PEMT: variants seen among roughly 807,000 people sequenced by gnomAD.
PEMT encodes phosphatidylethanolamine N-methyltransferase.
PEMT carries 23 observed loss-of-function variants against 27.4 expected under a neutral mutation model. That is an observed-to-expected ratio of 0.84 (90% CI 0.60 to 1.19). The LOEUF (loss-of-function observed/expected upper bound fraction) is 1.19, where lower values mean the gene tolerates loss of function less well. PEMT is among the 50% of genes most tolerant of loss of function. The pLI, the probability that PEMT is intolerant of heterozygous loss-of-function variation, is 0.00. For synonymous variants in PEMT, 137 were observed against 139.1 expected, an observed-to-expected ratio of 0.98 and a Z score of 0.11; for missense variants, 307 against 310.1, an observed-to-expected ratio of 0.99 and a Z score of 0.07.
intron 2 of PEMT, among the ~76,000 whole-genome samples, chr17:17,522,794 G>A (rs1056814438): frequency 7.9e-5 from 12 of 152,164 alleles, no homozygotes; most frequent in Non-Finnish European, 1.5e-4. Flanking sequence ...GGCCCCAGCA[G>A]AACTGCCAGA....
chr17:17,566,349 G>A lies in PEMT; in HGVS notation c.204+10571C>T, dbSNP rs576156636. On this transcript the variant is annotated intron_variant, in intron 2 of 6. Coordinates refer to ENST00000255389, the MANE Select transcript of PEMT (RefSeq NM_148172.3). ...CCTGGTTGCATGGCTTCCTGGGGAC[G>A]CCTCAGGGTTCCTCCTCCAGGAAAG... 2.2e-3 allele frequency among the ~76,000 whole-genome samples: 333 copies of A among 152,294 alleles called. 5 individuals are homozygous for A. The highest frequency in any genetic ancestry group is 3.4e-3 in the Middle Eastern group (1 of 294).
chr17:17,590,429 G>C (rs1278288109), intron 1 of PEMT, among the ~76,000 whole-genome samples: 1 of 152,100 alleles, frequency 6.6e-6, no homozygotes, highest in African/African-American at 2.4e-5. Flanking sequence ...TCGCAGATAC[G>C]GCAACAGGCT....
At chr17:17,553,614 G>A (rs2142656687) in intron 2 of PEMT, among the ~76,000 whole-genome samples, 2 of 152,284 alleles carry the variant, frequency 1.3e-5, no homozygotes, top group South Asian at 4.1e-4. Flanking sequence ...TCCACCCAAT[G>A]GCCAGCACTA....
intron 2 of PEMT, among the ~76,000 whole-genome samples, chr17:17,566,005 C>G (rs4646361): frequency 0.066 from 10,045 of 152,274 alleles, 857 homozygotes; most frequent in African/African-American, 0.19. Context: ...CTTGTTGCAC[C>G]TCTGAGCAAA....
rs531135966 is a variant in PEMT, at chr17:17,513,762, C to A, written c.321-1108G>T. On this transcript the variant is annotated intron_variant, in intron 3 of 6. Transcript: ENST00000255389. This position sits in a 1 kb window ranked among gnomAD's most constrained non-coding sequence, Gnocchi z 4.1. ...CCAGGCCTCATCACAGGGGAGCGGGCGCTGGTGGGAAGGGGGCCCTGGGTG... is the reference window on the plus strand; with the variant it reads ...CCAGGCCTCATCACAGGGGAGCGGGAGCTGGTGGGAAGGGGGCCCTGGGTG... Among the ~76,000 whole-genome samples, 1 of 151,744 alleles carries A rather than the reference C, an allele frequency of 6.6e-6. No individual in the cohort carries two copies. Among genetic ancestry groups the A allele is most frequent in the Non-Finnish European group, 1.5e-5 (1 of 67,948 alleles).
At chr17:17,552,414 T>A (rs1268530493) in intron 2 of PEMT, among the ~76,000 whole-genome samples, 1 of 152,170 alleles carries the variant, frequency 6.6e-6, no homozygotes, top group African/African-American at 2.4e-5. Flanking sequence ...CATTTGGGAT[T>A]CTCATGTCTA....
chr17:17,510,772 G>A, intron 4 of PEMT, among the ~76,000 whole-genome samples: 1 of 152,158 alleles, frequency 6.6e-6, no homozygotes, highest in Non-Finnish European at 1.5e-5. Context: ...CCCCCAGCTT[G>A]TTCTTCCACT....
At chr17:17,581,287 A>G (rs1911960484) in intron 1 of PEMT, among the ~76,000 whole-genome samples, 2 of 152,192 alleles carry the variant, frequency 1.3e-5, no homozygotes, top group Non-Finnish European at 2.9e-5. Context: ...GATCTAAGAA[A>G]ACACAGGACC....
In PEMT at chr17:17,561,481, G is replaced by T. The variant is rs1597936445; in HGVS notation, c.204+15439C>A. 6.6e-6 allele frequency among the ~76,000 whole-genome samples: 1 copy of T among 152,292 alleles called. No individual in the cohort carries two copies. Among genetic ancestry groups the T allele is most frequent in the African/African-American group, 2.4e-5 (1 of 41,570 alleles). ...GAGCAGTTCCACAACAGATGCCCTG[G>T]GGTGGCTGCCCGAGGGGGAAGCGGA... is the stretch of plus-strand genomic sequence containing the variant. On this transcript the variant is annotated intron_variant, in intron 2 of 6. Coordinates refer to ENST00000255389, the MANE Select transcript of PEMT (RefSeq NM_148172.3). The surrounding 1 kb of genome is among the most constrained non-coding windows in gnomAD (Gnocchi z 4.5).
chr17:17,519,841 C>T (rs1907132087), intron 3 of PEMT, among the ~76,000 whole-genome samples: 1 of 152,234 alleles, frequency 6.6e-6, no homozygotes, highest in African/African-American at 2.4e-5. Flanking sequence ...CGGGGCAGGG[C>T]TGGCAGGAGG....
intron 2 of PEMT, among the ~76,000 whole-genome samples, chr17:17,566,512 C>A (rs1435793832): frequency 6.6e-6 from 1 of 152,194 alleles, no homozygotes; most frequent in Admixed American, 6.5e-5. Context: ...ACCTCAGTTC[C>A]CGGGGCTAGG....
rs1383662556 is a variant in PEMT, at chr17:17,586,284, GAAAGAAAAAA to G, written c.96+5237_96+5246del. Reference sequence around the variant, plus strand: ...AGAAAGAAAGAAAGAAAGAAAGAAAGAAAGAAAAAAAAAAACGCAGGTGGAAAATCGGGAG... The same window carrying G: ...AGAAAGAAAGAAAGAAAGAAAGAAAGAAAAACGCAGGTGGAAAATCGGGAG... On this transcript the variant is annotated intron_variant, in intron 1 of 6. Transcript: ENST00000255389. Among the ~76,000 whole-genome samples the G allele has an allele frequency of 9.7e-3, 704 of 72,760 alleles. 40 individuals carry two copies. Among genetic ancestry groups the G allele is most frequent in the African/African-American group, 0.042 (673 of 15,986 alleles). The allele number at this position is 72,760 out of a possible 152,430, so 47.7% of individuals were successfully genotyped here. A position where few individuals can be genotyped will look rare whatever the true frequency, so the allele number is the denominator to read the frequency against.
At chr17:17,571,201 C>A (rs941090468) in intron 2 of PEMT, among the ~76,000 whole-genome samples, 5 of 151,700 alleles carry the variant, frequency 3.3e-5, no homozygotes, top group Admixed American at 2.6e-4. Flanking sequence ...ACACACAGTG[C>A]CTGGTGCATG....
At chr17:17,591,736 A>C (rs1912602430), upstream of PEMT, 10 of 1,467,548 alleles carry the variant, frequency 6.8e-6, no homozygotes, top group Non-Finnish European at 8.1e-6. Flanking sequence ...TTTCCCGGTG[A>C]CCCCCAACAT....
At chr17:17,556,087 G>A (rs531249958) in intron 2 of PEMT, among the ~76,000 whole-genome samples, 11 of 152,366 alleles carry the variant, frequency 7.2e-5, no homozygotes, top group South Asian at 2.1e-4. Flanking sequence ...GTCACACGTC[G>A]CACTGAAGTG....
intron 1 of PEMT, among the ~76,000 whole-genome samples, chr17:17,583,291 G>A (rs1049617900): frequency 7.3e-5 from 11 of 149,900 alleles, no homozygotes; most frequent in African/African-American, 2.2e-4. Context: ...CAGGAGAATC[G>A]CTTCAACCCA....
At chr17:17,534,006 A>G (rs886718410) in intron 2 of PEMT, among the ~76,000 whole-genome samples, 1 of 152,148 alleles carries the variant, frequency 6.6e-6, no homozygotes, top group African/African-American at 2.4e-5. Flanking sequence ...GATTACAGAC[A>G]TGAGCCACTG....
chr17:17,524,756 T>G (rs2142548298), intron 2 of PEMT, among the ~76,000 whole-genome samples: 1 of 151,140 alleles, frequency 6.6e-6, no homozygotes. Context: ...AGAAAAAAAA[T>G]TCTGTAGCCA....
At position 17,582,390 on chromosome 17, in the gene PEMT, T is replaced by C. The variant is rs1912023637; in HGVS notation, c.97-5363A>G. 12 of 985,306 alleles carry C rather than the reference T, an allele frequency of 1.2e-5. No homozygotes were observed. The highest frequency in any genetic ancestry group is 1.4e-5 in the Non-Finnish European group (12 of 829,932). The allele number at this position is 985,306 out of a possible 1,614,324, so 61.0% of individuals were successfully genotyped here. On this transcript the variant is annotated intron_variant, in intron 1 of 6. Coordinates refer to ENST00000255389, the MANE Select transcript of PEMT (RefSeq NM_148172.3). This position sits in a 1 kb window ranked among gnomAD's most constrained non-coding sequence, Gnocchi z 4.9. ...AGAGGCTTTATGGTAATTTACTCCA[T>C]TGAGGGGTGCAGGGTTCTCGGGAGC...
Sources: gnomAD v4.1 joint callset for allele counts (sites outside exome capture counted in the v4.1 genomes callset) on GRCh38, gnomAD v4.1.1 for gene constraint, Gnocchi (gnomAD v3.1) non-coding constraint, MANE v1.5 for transcripts, NCBI Gene and HGNC (gene_info 2026-07-23, HGNC 2026-07-21) for gene names.